The following CREB5 variants were observed in gnomAD, a reference collection of about 807,000 sequenced individuals.
CREB5 encodes the protein cyclic AMP-responsive element-binding protein 5.
Under a neutral mutation model 57.1 loss-of-function variants are expected in CREB5, and 19 were observed. The ratio of observed to expected loss-of-function variants is 0.33; its 90% CI spans 0.23 to 0.49. The LOEUF is 0.49. Among genes scored for constraint, CREB5 ranks in the 20% least tolerant of loss-of-function variants. The pLI is 0.99. For missense variants in CREB5, 579 were observed against 671.6 expected, an observed-to-expected ratio of 0.86 and a Z score of 1.52; for synonymous variants, 238 against 238.3, an observed-to-expected ratio of 1.00 and a Z score of 0.01.
intron 5 of CREB5, among the ~76,000 whole-genome samples, chr7:28,628,485 G>T (rs531872665): frequency 2.6e-5 from 4 of 152,254 alleles, no homozygotes; most frequent in African/African-American, 9.6e-5. Context: ...AAATAAACAG[G>T]CTTCTCTGGA....
At chr7:28,394,498 G>A (rs1787299013) in intron 1 of CREB5, among the ~76,000 whole-genome samples, 3 of 152,136 alleles carry the variant, frequency 2.0e-5, no homozygotes, top group East Asian at 1.9e-4. Flanking sequence ...TAGGGAGAAA[G>A]GTACACCATG....
chr7:28,775,209 C>T (rs1243436021), intron 7 of CREB5, among the ~76,000 whole-genome samples: 5 of 152,186 alleles, frequency 3.3e-5, no homozygotes, highest in South Asian at 2.1e-4. Context: ...ACACTATTCC[C>T]GTTGCCCACA....
intron 5 of CREB5, among the ~76,000 whole-genome samples, chr7:28,588,508 CTTAAT>C (rs1343112611): frequency 2.0e-5 from 3 of 152,192 alleles, no homozygotes; most frequent in Non-Finnish European, 2.9e-5. Context: ...TGTGCAGCTT[CTTAAT>C]TTAAACAGCA....
chr7:28,794,738 G>GCACACACA (rs150983811), intron 7 of CREB5, among the ~76,000 whole-genome samples: 1 of 149,240 alleles, frequency 6.7e-6, no homozygotes, highest in African/African-American at 2.5e-5. Context: ...GTGCATACCT[G>GCACACACA]CACACACACA....
rs561333978 is a variant in CREB5 at position 28,804,579 on chromosome 7, C to G, written c.1026+57C>G. 9.5e-4 allele frequency: 1,487 copies of G among 1,569,634 alleles called. 2 individuals carry two copies. The highest frequency in any genetic ancestry group is 1.2e-3 in the Non-Finnish European group (1,427 of 1,148,096). Reference sequence around the variant, plus strand: ...TTATTCTCCTTCTTAACAGTGCAAGCTCTAATGCTGGGGTCATTTGCAGCA... The same window carrying G: ...TTATTCTCCTTCTTAACAGTGCAAGGTCTAATGCTGGGGTCATTTGCAGCA... On this transcript the variant is annotated intron_variant, in intron 8 of 10. Transcript: ENST00000357727.
intron 4 of CREB5, among the ~76,000 whole-genome samples, chr7:28,517,457 G>A (rs370202358): frequency 9.9e-5 from 15 of 152,156 alleles, no homozygotes; most frequent in East Asian, 1.9e-4. Context: ...CCTGTGGTAC[G>A]ATGACTGATT....
chr7:28,501,545 GA>G (rs1792274423), intron 3 of CREB5, among the ~76,000 whole-genome samples: 1 of 152,158 alleles, frequency 6.6e-6, no homozygotes, highest in Non-Finnish European at 1.5e-5. Context: ...GTTCTGTCTG[GA>G]AACCAGTCCC....
chr7:28,327,438 C>T (rs10280817), intron 1 of CREB5, among the ~76,000 whole-genome samples: 6,752 of 152,250 alleles, frequency 0.044, 487 homozygotes, highest in African/African-American at 0.15. Context: ...GCCTAACACT[C>T]ATCTGCAATT....
chr7:28,496,728 C>T (rs1037221165), intron 3 of CREB5, among the ~76,000 whole-genome samples: 5 of 152,094 alleles, frequency 3.3e-5, no homozygotes, highest in African/African-American at 9.7e-5. Flanking sequence ...TGGAAGACAC[C>T]GAGTTCAAAG....
chr7:28,455,814 G>C (rs1283274681), intron 1 of CREB5, among the ~76,000 whole-genome samples: 4 of 152,236 alleles, frequency 2.6e-5, no homozygotes, highest in African/African-American at 9.6e-5. Flanking sequence ...ACAGTCTACT[G>C]TCCATGGCTC....
At chr7:28,420,497 A>C (rs1025607934) in intron 1 of CREB5, among the ~76,000 whole-genome samples, 5 of 152,184 alleles carry the variant, frequency 3.3e-5, no homozygotes, top group Admixed American at 1.3e-4. Context: ...GCACTACTGA[A>C]CTGTATACTT....
intron 4 of CREB5, among the ~76,000 whole-genome samples, chr7:28,508,844 C>CT (rs770938291): frequency 2.6e-5 from 4 of 152,052 alleles, no homozygotes. Context: ...TATGAAGTGC[C>CT]TTTTTTCTTT....
At chr7:28,608,874 C>T (rs1420686510) in intron 5 of CREB5, among the ~76,000 whole-genome samples, 1 of 152,198 alleles carries the variant, frequency 6.6e-6, no homozygotes, top group Non-Finnish European at 1.5e-5. Context: ...AGGATCATGA[C>T]ATTTCTTCTT....
intron 2 of CREB5, among the ~76,000 whole-genome samples, chr7:28,492,031 C>A (rs1209299632): frequency 6.6e-6 from 1 of 152,026 alleles, no homozygotes; most frequent in Non-Finnish European, 1.5e-5. Context: ...TGGTGTTGCA[C>A]TCTTGTCGCC....
chr7:28,335,127 A>T (rs1367865128), intron 1 of CREB5, among the ~76,000 whole-genome samples: 2 of 152,138 alleles, frequency 1.3e-5, no homozygotes, highest in African/African-American at 4.8e-5. Context: ...AAGTCAGGTA[A>T]TGTGATTCCT....
chr7:28,734,353 T>A (rs938013382), intron 7 of CREB5, among the ~76,000 whole-genome samples: 6 of 152,176 alleles, frequency 3.9e-5, no homozygotes, highest in South Asian at 2.1e-4. Flanking sequence ...GAAAATTTCC[T>A]TTGCCTTTTT....
At chr7:28,498,626 G>T (rs1583541405) in intron 3 of CREB5, among the ~76,000 whole-genome samples, 1 of 152,162 alleles carries the variant, frequency 6.6e-6, no homozygotes, top group South Asian at 2.1e-4. Context: ...ACCAGGTAGG[G>T]TATTAAAAGT....
chr7:28,524,216 C>T (rs1028724191), intron 4 of CREB5, among the ~76,000 whole-genome samples: 21 of 151,964 alleles, frequency 1.4e-4, no homozygotes, highest in African/African-American at 5.1e-4. Context: ...GTGGCTCATG[C>T]CTGTGAGCTC....
chr7:28,438,630 T>C (rs1278505625), intron 1 of CREB5, among the ~76,000 whole-genome samples: 1 of 152,166 alleles, frequency 6.6e-6, no homozygotes, highest in East Asian at 1.9e-4. Context: ...TTACTTGACA[T>C]GTGAAGCTTT....
Sources: gnomAD v4.1 joint callset for allele counts (sites outside exome capture counted in the v4.1 genomes callset) on GRCh38, gnomAD v4.1.1 for gene constraint, MANE v1.5 for transcripts, NCBI Gene and HGNC (gene_info 2026-07-23, HGNC 2026-07-21) for gene names.